Variants in STX18 observed in about 807,000 individuals in gnomAD.
The protein encoded by STX18 is syntaxin 18.
A neutral mutation model predicts 50.1 loss-of-function variants in STX18; 40 were observed. The observed-to-expected ratio is 0.80, with a 90% CI of 0.62 to 1.04. STX18 has a LOEUF of 1.04. Ranked by LOEUF, STX18 falls within the 50% of genes least tolerant of loss-of-function variation. The pLI, the probability that STX18 is intolerant of heterozygous loss-of-function variation, is 0.00. For missense variants in STX18, 410 were observed against 415.8 expected (o/e 0.99, Z 0.12); for synonymous variants, 158 against 151.8 (o/e 1.04, Z -0.30).
intron 9 of STX18, among the ~76,000 whole-genome samples, chr4:4,421,974 TCTC>T (rs767673157): frequency 3.3e-5 from 5 of 151,964 alleles, no homozygotes; most frequent in African/African-American, 4.8e-5. Context: ...TGCCTGCTTC[TCTC>T]CTCCTTTCGG....
chr4:4,464,533 C>T (rs1303750686), intron 2 of STX18, among the ~76,000 whole-genome samples: 1 of 152,184 alleles, frequency 6.6e-6, no homozygotes, highest in Admixed American at 6.5e-5. Flanking sequence ...CTCCTTCTTG[C>T]TTTACCTAGG....
At chr4:4,476,918 GGGCTTGGGCAGT>G (rs1008401363) in intron 1 of STX18, among the ~76,000 whole-genome samples, 1 of 152,172 alleles carries the variant, frequency 6.6e-6, no homozygotes, top group Admixed American at 6.5e-5. Flanking sequence ...AAAAATCTCG[GGGCTTGGGCAGT>G]GGCTTAAGCC....
At chr4:4,499,799 T>C (rs924507406) in intron 1 of STX18, among the ~76,000 whole-genome samples, 1 of 152,006 alleles carries the variant, frequency 6.6e-6, no homozygotes, top group Non-Finnish European at 1.5e-5. Flanking sequence ...CACTCCAAAC[T>C]GCTTGCTAAA....
chr4:4,445,454 A>G (rs1726344469), intron 5 of STX18, among the ~76,000 whole-genome samples: 1 of 152,088 alleles, frequency 6.6e-6, no homozygotes, highest in Non-Finnish European at 1.5e-5. Context: ...AAGAATTTAC[A>G]AAAAAAGCTA....
At chr4:4,527,808 TTA>T (rs1484669977) in intron 1 of STX18, among the ~76,000 whole-genome samples, 5 of 146,972 alleles carry the variant, frequency 3.4e-5, no homozygotes, top group African/African-American at 1.2e-4. Context: ...ATATATGTTT[TTA>T]TATATATATA....
chr4:4,530,829 A>G (rs1731057904), intron 1 of STX18, among the ~76,000 whole-genome samples: 1 of 151,932 alleles, frequency 6.6e-6, no homozygotes. Flanking sequence ...CTGGTCTTGA[A>G]TTCCTAAGCT....
chr4:4,486,830 T>C (rs555147581), intron 1 of STX18, among the ~76,000 whole-genome samples: 74 of 152,286 alleles, frequency 4.9e-4, no homozygotes, highest in African/African-American at 1.8e-3. Context: ...CAAAAACAAA[T>C]AGTGCAAAAT....
intron 1 of STX18, among the ~76,000 whole-genome samples, chr4:4,510,266 G>C (rs1261187354): frequency 6.6e-6 from 1 of 152,156 alleles, no homozygotes; most frequent in Non-Finnish European, 1.5e-5. Flanking sequence ...CAGAGGAAGA[G>C]AAACACAGAT....
intron 5 of STX18, among the ~76,000 whole-genome samples, chr4:4,439,448 C>A (rs1332811855): frequency 7.7e-6 from 1 of 129,206 alleles, no homozygotes; most frequent in South Asian, 2.6e-4. Context: ...ATACCCTCCC[C>A]CACACACATA....
At chr4:4,447,364 C>T (rs1192614838) in intron 5 of STX18, among the ~76,000 whole-genome samples, 1 of 151,090 alleles carries the variant, frequency 6.6e-6, no homozygotes, top group Non-Finnish European at 1.5e-5. Flanking sequence ...CCGAGGCGGG[C>T]GGATCACGAG....
chr4:4,489,859 C>G (rs1030418844), intron 1 of STX18, among the ~76,000 whole-genome samples: 2 of 152,142 alleles, frequency 1.3e-5, no homozygotes, highest in Non-Finnish European at 2.9e-5. Flanking sequence ...CAAATTATAT[C>G]TTTTCATTCT....
chr4:4,425,273 G>A, intron 7 of STX18, 51 bp from the exon 8 acceptor site: 1 of 1,538,644 alleles, frequency 6.5e-7, no homozygotes, highest in Non-Finnish European at 9.0e-7. Flanking sequence ...ACTTAGGCAA[G>A]AGTCTAGCAA....
chr4:4,499,960 C>T (rs1233913807), intron 1 of STX18, among the ~76,000 whole-genome samples: 2 of 151,982 alleles, frequency 1.3e-5, no homozygotes. Flanking sequence ...TCCCTGACCA[C>T]TGGGATCCTC....
intron 1 of STX18, among the ~76,000 whole-genome samples, chr4:4,524,198 T>C (rs1014021185): frequency 1.3e-5 from 2 of 152,206 alleles, no homozygotes; most frequent in Non-Finnish European, 2.9e-5. Context: ...CAGAGATACC[T>C]TCAGTTCAAA....
chr4:4,450,785 A>C (rs928123671), intron 5 of STX18, among the ~76,000 whole-genome samples: 6 of 152,008 alleles, frequency 3.9e-5, no homozygotes, highest in African/African-American at 7.3e-5. Context: ...GCAGACGCCC[A>C]CCTTACCCCT....
intron 1 of STX18, among the ~76,000 whole-genome samples, chr4:4,517,537 T>C (rs936394602): frequency 6.6e-6 from 1 of 152,194 alleles, no homozygotes; most frequent in African/African-American, 2.4e-5. Flanking sequence ...CAAAAAGATT[T>C]ACAACCATGT....
chr4:4,474,415 G>A, intron 1 of STX18, among the ~76,000 whole-genome samples: 1 of 152,156 alleles, frequency 6.6e-6, no homozygotes, highest in East Asian at 1.9e-4. Flanking sequence ...ATCCCAGAAG[G>A]ATTATACCTG....
intron 1 of STX18, among the ~76,000 whole-genome samples, chr4:4,489,546 G>A (rs919463004): frequency 4.0e-5 from 6 of 150,634 alleles, no homozygotes; most frequent in Non-Finnish European, 7.4e-5. Flanking sequence ...CACCACACCC[G>A]GCCAGAAAAT....
chr4:4,435,508 T>G (rs1245703904), intron 6 of STX18, among the ~76,000 whole-genome samples: 2 of 152,172 alleles, frequency 1.3e-5, no homozygotes, highest in Admixed American at 1.3e-4. Flanking sequence ...GTTCTAAAAC[T>G]TGCTTTGTAT....
Sources: gnomAD v4.1 joint callset for allele counts (sites outside exome capture counted in the v4.1 genomes callset) on GRCh38, gnomAD v4.1.1 for gene constraint, MANE v1.5 for transcripts, NCBI Gene and HGNC (gene_info 2026-07-23, HGNC 2026-07-21) for gene names.